Variants in INPP4B observed in about 807,000 individuals in gnomAD.
INPP4B encodes inositol polyphosphate-4-phosphatase type II B.
In INPP4B, 55 loss-of-function variants were observed where a neutral mutation model predicts 122.5. The ratio of observed to expected loss-of-function variants is 0.45; its 90% CI spans 0.36 to 0.56. INPP4B has a LOEUF of 0.56. INPP4B is among the 20% of genes least tolerant of loss of function. The pLI, the probability that INPP4B is intolerant of heterozygous loss-of-function variation, is 0.00. For missense variants in INPP4B, 1,000 were observed against 1,097.7 expected, an observed-to-expected ratio of 0.91 and a Z score of 1.26; for synonymous variants, 403 against 388.7, an observed-to-expected ratio of 1.04 and a Z score of -0.43.
intron 7 of INPP4B, among the ~76,000 whole-genome samples, chr4:142,362,699 G>A (rs1242302830): frequency 6.6e-6 from 1 of 151,982 alleles, no homozygotes; most frequent in African/African-American, 2.4e-5. Context: ...CATGGATGCA[G>A]TTGGAGGCCA....
intron 23 of INPP4B, among the ~76,000 whole-genome samples, chr4:142,104,906 T>A (rs902057007): frequency 6.6e-6 from 1 of 152,192 alleles, no homozygotes; most frequent in African/African-American, 2.4e-5. Context: ...CATTGCATAT[T>A]TATTTTTATT....
At chr4:142,666,334 C>T (rs1380684325) in intron 2 of INPP4B, among the ~76,000 whole-genome samples, 1 of 151,522 alleles carries the variant, frequency 6.6e-6, no homozygotes, top group East Asian at 1.9e-4. Context: ...AACCTATTTA[C>T]AAGAAATGCA....
chr4:142,734,171 C>T (rs960244258), intron 1 of INPP4B, among the ~76,000 whole-genome samples: 5 of 151,856 alleles, frequency 3.3e-5, no homozygotes, highest in South Asian at 2.1e-4. Context: ...CCTTGTAAGA[C>T]GAGAGAAAGA....
At chr4:142,494,119 A>G (rs143606822) in intron 2 of INPP4B, among the ~76,000 whole-genome samples, 5,275 of 152,224 alleles carry the variant, frequency 0.035, 340 homozygotes, top group African/African-American at 0.12. Context: ...CCCTTCCACC[A>G]TGATTGTAAG....
chr4:142,845,992 GGA>G (rs1784155872), intron 1 of INPP4B, among the ~76,000 whole-genome samples: 2 of 152,190 alleles, frequency 1.3e-5, no homozygotes, highest in African/African-American at 2.4e-5. Flanking sequence ...CAGCAGCCGA[GGA>G]GAGACAGCCC....
intron 1 of INPP4B, among the ~76,000 whole-genome samples, chr4:142,731,445 C>A (rs1160863194): frequency 1.3e-5 from 2 of 152,024 alleles, no homozygotes; most frequent in East Asian, 1.9e-4. Flanking sequence ...TTGATGTCTG[C>A]CAATAATTCT....
At chr4:142,829,214 G>A (rs969788351) in intron 1 of INPP4B, among the ~76,000 whole-genome samples, 2 of 151,884 alleles carry the variant, frequency 1.3e-5, no homozygotes, top group Admixed American at 6.6e-5. Context: ...TGTTGACTTG[G>A]ATTCACTCTT....
chr4:142,215,552 A>G (rs1192077214), intron 12 of INPP4B, among the ~76,000 whole-genome samples: 1 of 152,140 alleles, frequency 6.6e-6, no homozygotes, highest in Non-Finnish European at 1.5e-5. Context: ...CATATTCAAG[A>G]GCATAATGGT....
intron 16 of INPP4B, among the ~76,000 whole-genome samples, chr4:142,169,117 T>C (rs1824276296): frequency 6.6e-6 from 1 of 151,658 alleles, no homozygotes; most frequent in South Asian, 2.1e-4. Context: ...TTGTCAATGT[T>C]ATCTTACATT....
At chr4:142,087,572 G>C (rs1022630396) in intron 23 of INPP4B, among the ~76,000 whole-genome samples, 11 of 152,126 alleles carry the variant, frequency 7.2e-5, no homozygotes, top group Admixed American at 7.2e-4. Context: ...ATTCCTGAGA[G>C]CTTTAACTGA....
At chr4:142,658,191 A>T (rs1343922264) in intron 2 of INPP4B, among the ~76,000 whole-genome samples, 1 of 152,212 alleles carries the variant, frequency 6.6e-6, no homozygotes, top group East Asian at 1.9e-4. Context: ...CTTCACAGAC[A>T]ATTGTTGTCT....
At chr4:142,336,037 T>C (rs948262372) in intron 7 of INPP4B, among the ~76,000 whole-genome samples, 1 of 152,212 alleles carries the variant, frequency 6.6e-6, no homozygotes, top group African/African-American at 2.4e-5. Context: ...CATTCCTCCA[T>C]TCTGATCCCA....
At chr4:142,431,806 C>T (rs1348255604) in intron 3 of INPP4B, among the ~76,000 whole-genome samples, 2 of 152,028 alleles carry the variant, frequency 1.3e-5, no homozygotes, top group Non-Finnish European at 2.9e-5. Flanking sequence ...TCTCCATCCA[C>T]CCTTGTTAGA....
At chr4:142,689,024 C>A (rs1759769993) in intron 2 of INPP4B, among the ~76,000 whole-genome samples, 1 of 152,034 alleles carries the variant, frequency 6.6e-6, no homozygotes. Flanking sequence ...CATTTTCTAA[C>A]CCCCTATCCA....
At chr4:142,772,154 A>C (rs1214572577) in intron 1 of INPP4B, among the ~76,000 whole-genome samples, 1 of 152,172 alleles carries the variant, frequency 6.6e-6, no homozygotes, top group Non-Finnish European at 1.5e-5. Flanking sequence ...GTGAGTCATC[A>C]GGGAATAGAT....
At chr4:142,676,080 T>C (rs948655442) in intron 2 of INPP4B, among the ~76,000 whole-genome samples, 1 of 152,204 alleles carries the variant, frequency 6.6e-6, no homozygotes, top group South Asian at 2.1e-4. Context: ...GATGACATGA[T>C]TGTATATTTA....
intron 25 of INPP4B, among the ~76,000 whole-genome samples, chr4:142,046,952 A>G (rs1165324846): frequency 6.6e-6 from 1 of 152,114 alleles, no homozygotes. Context: ...AGAGGCAGCA[A>G]TTAAAAACTC....
chr4:142,352,951 G>GT (rs1477509105), intron 7 of INPP4B, among the ~76,000 whole-genome samples: 4 of 151,888 alleles, frequency 2.6e-5, no homozygotes, highest in Non-Finnish European at 4.4e-5. Flanking sequence ...ATAGGGTGGT[G>GT]TTTTTTCAGC....
At position 142,232,356 on chromosome 4, in the gene INPP4B, T is replaced by C. The variant is rs562171106; in HGVS notation, c.836+5508A>G. On this transcript the variant is annotated intron_variant, in intron 12 of 25. Transcript: ENST00000262992. Reference sequence around the variant, plus strand: ...CAACAGCATGTGCTTACTTCCTATCTCTGTGTCACATTTTAGAACTGTTGC... The same window carrying C: ...CAACAGCATGTGCTTACTTCCTATCCCTGTGTCACATTTTAGAACTGTTGC... 3.9e-5 allele frequency among the ~76,000 whole-genome samples: 6 copies of C among 152,312 alleles called. No homozygotes were observed. The East Asian group carries it at 1.2e-3, about 29-fold the overall frequency.
Sources: gnomAD v4.1 joint callset for allele counts (sites outside exome capture counted in the v4.1 genomes callset) on GRCh38, gnomAD v4.1.1 for gene constraint, MANE v1.5 for transcripts, NCBI Gene and HGNC (gene_info 2026-07-23, HGNC 2026-07-21) for gene names.